The following CELF2 variants were observed in gnomAD, a reference collection of about 807,000 sequenced individuals.
CELF2 encodes CUG triplet repeat RNA-binding protein 2.
In CELF2, 8 loss-of-function variants were observed where a neutral mutation model predicts 62.6. The ratio of observed to expected loss-of-function variants is 0.13; its 90% CI spans 0.07 to 0.23. The LOEUF is 0.23. Ranked by LOEUF, CELF2 falls within the 10% of genes least tolerant of loss-of-function variation. CELF2 has a pLI of 1.00. For synonymous variants in CELF2, 258 were observed against 250.0 expected (o/e 1.03, Z -0.30); for missense variants, 333 against 671.0 (o/e 0.50, Z 5.56).
chr10:10,988,308 G>A (rs2053039059), intron 2 of CELF2, among the ~76,000 whole-genome samples: 1 of 151,676 alleles, frequency 6.6e-6, no homozygotes, highest in South Asian at 2.1e-4. Flanking sequence ...GAGAGAGAGA[G>A]AGAGAGCATG....
intron 3 of CELF2, among the ~76,000 whole-genome samples, chr10:11,235,769 T>C (rs994573528): frequency 2.0e-5 from 3 of 150,360 alleles, no homozygotes; most frequent in Non-Finnish European, 4.4e-5. Context: ...TAAGGCACTT[T>C]GTAAAACTTG....
At chr10:11,179,494 C>T (rs1306047525) in intron 2 of CELF2, among the ~76,000 whole-genome samples, 6 of 152,156 alleles carry the variant, frequency 3.9e-5, no homozygotes, top group Non-Finnish European at 7.3e-5. Context: ...GCAGATTGAA[C>T]GAATGAAGTA....
chr10:10,495,058 T>C, the CELF2 span, among the ~76,000 whole-genome samples: 34,469 of 151,856 alleles, frequency 0.23, 4,845 homozygotes, highest in East Asian at 0.47. Context: ...GGGCAGATCA[T>C]GAGGTCAGGA....
chr10:10,725,913 T>C, the CELF2 span, among the ~76,000 whole-genome samples: 1 of 150,112 alleles, frequency 6.7e-6, no homozygotes, highest in East Asian at 2.0e-4. Context: ...AAAAAAAGAG[T>C]TCCAAAACAT....
chr10:11,047,706 C>A (rs1013053537), intron 1 of CELF2, among the ~76,000 whole-genome samples: 2 of 152,126 alleles, frequency 1.3e-5, no homozygotes, highest in Non-Finnish European at 2.9e-5. Flanking sequence ...GTGATGAGAT[C>A]TTGTTTATTC....
intron 2 of CELF2, among the ~76,000 whole-genome samples, chr10:10,980,398 C>A (rs1207862697): frequency 2.6e-5 from 4 of 152,218 alleles, no homozygotes; most frequent in African/African-American, 9.6e-5. Context: ...CTTCGAAGCC[C>A]TTCTCGCCTC....
chr10:10,528,169 G>T, the CELF2 span, among the ~76,000 whole-genome samples: 91 of 151,380 alleles, frequency 6.0e-4, 1 homozygote, highest in East Asian at 2.1e-3. Context: ...TTGTGTGTGT[G>T]TGTGTGTGTG....
the CELF2 span, among the ~76,000 whole-genome samples, chr10:10,533,548 A>C: frequency 0.017 from 2,571 of 152,352 alleles, 38 homozygotes; most frequent in Non-Finnish European, 0.029. Flanking sequence ...ACCTCAGAGT[A>C]ACTTACAGAG....
chr10:10,914,993 G>A (rs1346636648), intron 1 of CELF2, among the ~76,000 whole-genome samples: 1 of 151,996 alleles, frequency 6.6e-6, no homozygotes, highest in Non-Finnish European at 1.5e-5. Flanking sequence ...TTAGCAGGGT[G>A]TGGTGGCATG....
chr10:11,020,270 T>G (rs1382007636), intron 1 of CELF2, among the ~76,000 whole-genome samples: 1 of 152,198 alleles, frequency 6.6e-6, no homozygotes, highest in Non-Finnish European at 1.5e-5. Flanking sequence ...GTTGCTTAAT[T>G]GAACTAAGGG....
chr10:10,681,986 A>G, the CELF2 span, among the ~76,000 whole-genome samples: 17 of 152,228 alleles, frequency 1.1e-4, no homozygotes, highest in Non-Finnish European at 2.2e-4. Flanking sequence ...AAAATAAAAC[A>G]GATTAAGAGA....
At chr10:11,078,443 T>C (rs889890023) in intron 1 of CELF2, among the ~76,000 whole-genome samples, 4 of 152,174 alleles carry the variant, frequency 2.6e-5, no homozygotes, top group East Asian at 1.9e-4. Flanking sequence ...AATAACACAG[T>C]CCCAAGTCGA....
rs2095458697 is a variant in CELF2, at chr10:11,321,861, C to CAGCTACATCTTCTGAAGGGTTATGGCAT, written c.1294+476_1294+503dup. 6.6e-6 allele frequency among the ~76,000 whole-genome samples: 1 copy of CAGCTACATCTTCTGAAGGGTTATGGCAT among 152,120 alleles called. No individual in the cohort carries two copies. The highest frequency in any genetic ancestry group is 2.1e-4 in the South Asian group (1 of 4,818). On this transcript the variant is annotated intron_variant, in intron 11 of 12. Coordinates refer to ENST00000633077, the MANE Select transcript of CELF2 (RefSeq NM_001326342.2). This position sits in a 1 kb window ranked among gnomAD's most constrained non-coding sequence, Gnocchi z 6.2. Reference sequence around the variant, plus strand: ...AATAAATGGTTTTAATTATTTCCCCCAGCTACATCTTCTGAAGGGTTATGG... The same window carrying CAGCTACATCTTCTGAAGGGTTATGGCAT: ...AATAAATGGTTTTAATTATTTCCCCCAGCTACATCTTCTGAAGGGTTATGGCATAGCTACATCTTCTGAAGGGTTATGG...
the CELF2 span, among the ~76,000 whole-genome samples, chr10:10,770,039 C>T: frequency 3.2e-4 from 49 of 151,836 alleles, no homozygotes; most frequent in African/African-American, 1.1e-3. Flanking sequence ...TACATGGGGA[C>T]ATAAGTAGGA....
intron 8 of CELF2, among the ~76,000 whole-genome samples, chr10:11,275,331 C>T (rs564760537): frequency 8.5e-5 from 13 of 152,170 alleles, no homozygotes; most frequent in Non-Finnish European, 1.9e-4. Context: ...TGTGCATGAC[C>T]GCTATAGAAT....
At chr10:10,495,188 G>A in the CELF2 span, among the ~76,000 whole-genome samples, 1 of 152,206 alleles carries the variant, frequency 6.6e-6, no homozygotes, top group Non-Finnish European at 1.5e-5. Flanking sequence ...GGCTGAGGCA[G>A]GAGAATGGCG....
intron 1 of CELF2, among the ~76,000 whole-genome samples, chr10:10,878,215 T>G (rs558201203): frequency 6.6e-6 from 1 of 152,270 alleles, no homozygotes. Context: ...TCCTTCACTC[T>G]CTGCTAGAAG....
At chr10:10,942,599 G>A (rs1422485655) in intron 2 of CELF2, among the ~76,000 whole-genome samples, 3 of 152,150 alleles carry the variant, frequency 2.0e-5, no homozygotes, top group Non-Finnish European at 4.4e-5. Context: ...TTAATCTAAT[G>A]ACATGCCATC....
intron 2 of CELF2, among the ~76,000 whole-genome samples, chr10:10,937,133 T>C (rs2046495938): frequency 7.0e-6 from 1 of 143,760 alleles, no homozygotes; most frequent in Non-Finnish European, 1.5e-5. Flanking sequence ...TTTTTTTTTT[T>C]TTTTTTTTTT....
Sources: allele counts gnomAD v4.1 joint callset (sites outside exome capture counted in the v4.1 genomes callset), GRCh38; gene constraint gnomAD v4.1.1; non-coding constraint Gnocchi (gnomAD v3.1); transcripts MANE v1.5; gene names NCBI Gene and HGNC (gene_info 2026-07-23, HGNC 2026-07-21).